Variants in KATNBL1 observed in about 807,000 individuals in gnomAD.
KATNBL1 encodes katanin regulatory subunit B1 like 1, also known as KATNB1-like protein 1.
A neutral mutation model predicts 44.7 loss-of-function variants in KATNBL1; 28 were observed. The ratio of observed to expected loss-of-function variants is 0.63; its 90% confidence interval spans 0.46 to 0.86. KATNBL1 has a LOEUF of 0.86. Among genes scored for constraint, KATNBL1 ranks in the 40% least tolerant of loss-of-function variants. KATNBL1 has a pLI of 0.00. For synonymous variants in KATNBL1, 78 were observed against 114.9 expected (o/e 0.68, Z 2.06); for missense variants, 272 against 350.7 (o/e 0.78, Z 1.79).
At chr15:34,201,768 T>C (rs1369488224) in intron 1 of KATNBL1, among the ~76,000 whole-genome samples, 2 of 152,162 alleles carry the variant, frequency 1.3e-5, no homozygotes, top group Non-Finnish European at 1.5e-5. Context: ...GGAAAATATA[T>C]ATACAACTGG....
At chr15:34,193,059 T>C (rs1013045719) in intron 1 of KATNBL1, among the ~76,000 whole-genome samples, 6 of 147,190 alleles carry the variant, frequency 4.1e-5, no homozygotes, top group Non-Finnish European at 7.5e-5. Context: ...CTATTAAAAA[T>C]ACAAAAAATT....
rs565719161 is a variant in KATNBL1 at position 34,171,785 on chromosome 15, A to G, written c.-14-8095T>C. On this transcript the variant is annotated intron_variant, in intron 1 of 9. Transcript: ENST00000256544. ...AAAAGGATGAGTTCACGTCCTTAAC[A>G]GGGATATGAATGAAGCTGGAAACGA... Among the ~76,000 whole-genome samples the G allele has an allele frequency of 1.4e-3, 206 of 152,308 alleles. 1 individual carries two copies. The highest frequency in any genetic ancestry group is 2.4e-3 in the Non-Finnish European group (160 of 68,032).
chr15:34,163,770 G>C lies in KATNBL1; in HGVS notation c.-14-80C>G. On this transcript the variant is annotated intron_variant, in intron 1 of 9. Transcript: ENST00000256544. The stretch of plus-strand genomic sequence containing the variant: ...TTAACACACACACAAACATACAACA[G>C]TAGCACAATGCTATATAAAAAAGGC... 4.1e-6 allele frequency: 3 copies of C among 732,414 alleles called. No individual in the cohort carries two copies. The South Asian group carries it at 6.5e-5, about 16-fold the overall frequency. 45.4% of individuals were successfully genotyped at this position (732,414 alleles called of 1,614,324 possible). A position where few individuals can be genotyped will look rare whatever the true frequency, so the allele number is the denominator to read the frequency against.
At chr15:34,191,822 C>T (rs1034337720) in intron 1 of KATNBL1, among the ~76,000 whole-genome samples, 43 of 151,864 alleles carry the variant, frequency 2.8e-4, no homozygotes, top group African/African-American at 1.0e-3. Context: ...TGGCGGGCGC[C>T]TGTAGTCCCA....
intron 3 of KATNBL1, among the ~76,000 whole-genome samples, chr15:34,153,711 C>T (rs1888552330): frequency 6.6e-6 from 1 of 152,104 alleles, no homozygotes; most frequent in South Asian, 2.1e-4. Context: ...GCTGGGACTA[C>T]AGTCGCGCGC....
chr15:34,169,837 C>T (rs1386811312), intron 1 of KATNBL1, among the ~76,000 whole-genome samples: 3 of 152,184 alleles, frequency 2.0e-5, no homozygotes, highest in Non-Finnish European at 4.4e-5. Flanking sequence ...ACAACAAAAA[C>T]CACATGATTA....
chr15:34,178,760 A>AAG (rs1284115689), intron 1 of KATNBL1, among the ~76,000 whole-genome samples: 1 of 151,576 alleles, frequency 6.6e-6, no homozygotes, highest in Non-Finnish European at 1.5e-5. Context: ...TGTCTCAAAA[A>AAG]AAAAAAAAAA....
intron 1 of KATNBL1, among the ~76,000 whole-genome samples, chr15:34,170,613 A>G (rs2140944237): frequency 6.6e-6 from 1 of 152,352 alleles, no homozygotes; most frequent in South Asian, 2.1e-4. Context: ...GAACCAAAAA[A>G]GAGCCTGCAT....
In KATNBL1 at chr15:34,197,995, G is replaced by A. The variant is rs535293295; in HGVS notation, c.-15+11956C>T. Among the ~76,000 whole-genome samples the A allele has an allele frequency of 1.1e-4, 16 of 152,088 alleles. No individual in the cohort carries two copies. The South Asian group carries it at 2.9e-3, about 28-fold the overall frequency. ...ACTCCTGACCTCAGGTAATCCATTC[G>A]CTGCCTCGGCCTCCCACACAAAGTG... On this transcript the variant is annotated intron_variant, in intron 1 of 9. Coordinates refer to ENST00000256544, the MANE Select transcript of KATNBL1 (RefSeq NM_024713.3).
chr15:34,147,677 A>G (rs1351069736), intron 5 of KATNBL1, among the ~76,000 whole-genome samples: 1 of 152,152 alleles, frequency 6.6e-6, no homozygotes, highest in Non-Finnish European at 1.5e-5. Context: ...CATAAGACAT[A>G]TAGAGCAGGT....
chr15:34,179,301 GC>G (rs1214355308), intron 1 of KATNBL1, among the ~76,000 whole-genome samples: 1 of 152,106 alleles, frequency 6.6e-6, no homozygotes, highest in Non-Finnish European at 1.5e-5. Context: ...AAGCAAAAGG[GC>G]CAAAGTTACT....
intron 1 of KATNBL1, among the ~76,000 whole-genome samples, chr15:34,189,580 G>T (rs560545362): frequency 6.6e-6 from 1 of 152,066 alleles, no homozygotes; most frequent in Non-Finnish European, 1.5e-5. Context: ...ATGATCATAG[G>T]TCACTATAAA....
chr15:34,156,271 C>T lies in KATNBL1; in HGVS notation c.118-1587G>A, dbSNP rs547641444. Among the ~76,000 whole-genome samples the T allele has an allele frequency of 2.6e-5, 4 of 152,268 alleles. No individual in the cohort carries two copies. In the South Asian group the frequency reaches 8.3e-4, roughly 32 times the overall value. On this transcript the variant is annotated intron_variant, in intron 2 of 9. Transcript: ENST00000256544. ...ACAGAAGCTGGATGGCCCTCGGGGGCTAACCTGTGGGGTCTTGAACTTCGG... is the reference window on the plus strand; with the variant it reads ...ACAGAAGCTGGATGGCCCTCGGGGGTTAACCTGTGGGGTCTTGAACTTCGG...
intron 2 of KATNBL1, among the ~76,000 whole-genome samples, chr15:34,158,855 T>C (rs534323625): frequency 1.1e-4 from 16 of 152,356 alleles, no homozygotes; most frequent in African/African-American, 3.6e-4. Context: ...AAGAGCCATC[T>C]ATAAATAAGT....
In KATNBL1 at chr15:34,152,790, C is replaced by G. The variant is rs1888521225; in HGVS notation, c.438G>C (p.Glu146Asp). The change falls in exon 4 of 10, where the codon GAG (glutamate) becomes GAC (aspartate). Residue 146 changes from glutamate to aspartate, a missense_variant and splice_region_variant. Physicochemically the swap from Glu to Asp is conservative, Grantham distance 45. Coordinates refer to ENST00000256544, the MANE Select transcript of KATNBL1 (RefSeq NM_024713.3). Reference protein sequence around the residue: ...PSSKYSGFFSEVSQDHETMAQ... With the variant: ...PSSKYSGFFSDVSQDHETMAQ... ...GATATGAGTTAGAGAAAAGACTTAC[C>G]TCAGAAAAAAACCCACTATATTTTG... The G allele has an allele frequency of 1.2e-6, 2 of 1,605,002 alleles. No individual in the cohort carries two copies. The highest frequency in any genetic ancestry group is 1.7e-6 in the Non-Finnish European group (2 of 1,175,016).
At chr15:34,144,086 T>G (rs1007974359) in intron 9 of KATNBL1, among the ~76,000 whole-genome samples, 3 of 151,648 alleles carry the variant, frequency 2.0e-5, no homozygotes, top group East Asian at 1.9e-4. Context: ...TTTTTTTTTT[T>G]GGGAGAGGGG....
At chr15:34,185,717 G>A (rs895626094) in intron 1 of KATNBL1, among the ~76,000 whole-genome samples, 1 of 152,096 alleles carries the variant, frequency 6.6e-6, no homozygotes, top group South Asian at 2.1e-4. Flanking sequence ...ATGGAAGATC[G>A]GCCTCAAATC....
chr15:34,179,678 T>C (rs1889460628), intron 1 of KATNBL1, among the ~76,000 whole-genome samples: 1 of 152,104 alleles, frequency 6.6e-6, no homozygotes, highest in African/African-American at 2.4e-5. Flanking sequence ...AAATGCATAG[T>C]AAGATCCAGG....
Position 34,184,576 on chromosome 15 carries a change from C to CTTTTTTTTTTTTTTTTTTTTTT in KATNBL1, c.-14-20887_-14-20886insAAAAAAAAAAAAAAAAAAAAAA, listed in dbSNP as rs71119942. On this transcript the variant is annotated intron_variant, in intron 1 of 9. Transcript: ENST00000256544. ...ATACTTCCTGTCTCTCCTAATGTTTCTTTTTTTTTTTTTTGAGACAGAGTC... is the reference window on the plus strand; with the variant it reads ...ATACTTCCTGTCTCTCCTAATGTTTCTTTTTTTTTTTTTTTTTTTTTTTTTTTTTTTTTTTTGAGACAGAGTC... 4.2e-5 allele frequency among the ~76,000 whole-genome samples: 4 copies of CTTTTTTTTTTTTTTTTTTTTTT among 95,258 alleles called. 1 individual carries two copies. The highest frequency in any genetic ancestry group is 3.8e-5 in the Non-Finnish European group (2 of 52,252). The allele number at this position is 95,258 out of a possible 152,430, so 62.5% of individuals were successfully genotyped here.
Sources: gnomAD v4.1 joint callset for allele counts (sites outside exome capture counted in the v4.1 genomes callset) on GRCh38, gnomAD v4.1.1 for gene constraint, MANE v1.5 for transcripts, NCBI Gene and HGNC (gene_info 2026-07-23, HGNC 2026-07-21) for gene names.